The following CHL1 variants were observed in gnomAD, a reference collection of about 807,000 sequenced individuals.
The protein encoded by CHL1 is cell adhesion molecule L1 like, also known as neural cell adhesion molecule L1-like protein.
Under a neutral mutation model 141.9 loss-of-function variants are expected in CHL1, and 96 were observed. The observed-to-expected ratio is 0.68, with a 90% CI of 0.57 to 0.80. The LOEUF (loss-of-function observed/expected upper bound fraction) is 0.80, where lower values mean the gene tolerates loss of function less well. CHL1 is among the 30% of genes least tolerant of loss of function. The pLI is 0.00. For missense variants in CHL1, 1,820 were observed against 1,457.2 expected (o/e 1.25, Z -4.05); for synonymous variants, 613 against 502.2 (o/e 1.22, Z -2.95).
intron 3 of CHL1, among the ~76,000 whole-genome samples, chr3:321,879 T>C (rs1260244968): frequency 6.6e-6 from 1 of 152,074 alleles, no homozygotes; most frequent in Non-Finnish European, 1.5e-5. Context: ...GGCTTAATTA[T>C]AGAGGAAAGG....
intron 1 of CHL1, among the ~76,000 whole-genome samples, chr3:209,737 G>T (rs371378609): frequency 1.3e-5 from 2 of 152,148 alleles, no homozygotes; most frequent in South Asian, 2.1e-4. Flanking sequence ...GACAGGCCCC[G>T]TGTGTGATGT....
chr3:305,179 G>C (rs991712806), intron 2 of CHL1, among the ~76,000 whole-genome samples: 1 of 152,126 alleles, frequency 6.6e-6, no homozygotes, highest in Non-Finnish European at 1.5e-5. Context: ...AATCTCTACA[G>C]TAAGGAAGAA....
chr3:251,521 G>C (rs1324472714), intron 2 of CHL1, among the ~76,000 whole-genome samples: 2 of 152,032 alleles, frequency 1.3e-5, no homozygotes, highest in African/African-American at 4.8e-5. Context: ...TGTGATCTTA[G>C]GCAAACCATT....
intron 2 of CHL1, among the ~76,000 whole-genome samples, chr3:312,285 G>A (rs1474345702): frequency 1.3e-5 from 2 of 152,182 alleles, no homozygotes; most frequent in African/African-American, 4.8e-5. Context: ...CTGCAGGGAT[G>A]ATGAGTTAAC....
chr3:226,196 A>G (rs1701329645), intron 1 of CHL1, among the ~76,000 whole-genome samples: 1 of 149,250 alleles, frequency 6.7e-6, no homozygotes, highest in Admixed American at 6.7e-5. Flanking sequence ...AATTTTTTAT[A>G]TTTTTAGTAG....
rs557844960 is a variant in CHL1 at position 322,676 on chromosome 3, A to T, written c.91+2809A>T. Among the ~76,000 whole-genome samples, 3 of 142,480 alleles carry T rather than the reference A, an allele frequency of 2.1e-5. No homozygotes were observed. In the East Asian group the frequency reaches 6.2e-4, roughly 29 times the overall value. The allele number at this position is 142,480 out of a possible 152,430, so 93.5% of individuals were successfully genotyped here. A position where few individuals can be genotyped will look rare whatever the true frequency, so the allele number is the denominator to read the frequency against. On this transcript the variant is annotated intron_variant, in intron 3 of 27. Transcript: ENST00000256509. ...TATATATATATATATATATAATTAT[A>T]TATATATATATAAAACGAATAGCTG... is the stretch of plus-strand genomic sequence containing the variant.
intron 2 of CHL1, among the ~76,000 whole-genome samples, chr3:296,893 G>A (rs1698235999): frequency 6.6e-6 from 1 of 152,160 alleles, no homozygotes; most frequent in African/African-American, 2.4e-5. Context: ...ACATAGTGAA[G>A]TCAGGGAGAC....
chr3:316,139 T>C (rs1173326190), intron 2 of CHL1, among the ~76,000 whole-genome samples: 1 of 152,072 alleles, frequency 6.6e-6, no homozygotes, highest in East Asian at 1.9e-4. Context: ...TGCTCCTTAC[T>C]GTACATGTGG....
chr3:306,731 A>G (rs180994444), intron 2 of CHL1, among the ~76,000 whole-genome samples: 2 of 151,900 alleles, frequency 1.3e-5, no homozygotes, highest in East Asian at 1.9e-4. Flanking sequence ...ATGAAACAGT[A>G]TAGAGATAAA....
At chr3:202,450 T>C (rs532363140) in intron 1 of CHL1, among the ~76,000 whole-genome samples, 1 of 152,324 alleles carries the variant, frequency 6.6e-6, no homozygotes, top group South Asian at 2.1e-4. Context: ...ATTTAAAAGG[T>C]TTTCGCAATA....
chr3:369,553 T>G (rs1705355561), intron 15 of CHL1, among the ~76,000 whole-genome samples: 1 of 152,350 alleles, frequency 6.6e-6, no homozygotes, highest in South Asian at 2.1e-4. Flanking sequence ...AAACAGACAA[T>G]TTGACTTCCT....
chr3:283,926 A>G (rs927860310), intron 2 of CHL1, among the ~76,000 whole-genome samples: 2 of 152,224 alleles, frequency 1.3e-5, no homozygotes, highest in African/African-American at 4.8e-5. Context: ...AACAATGACT[A>G]ATAGTAGGGA....
At chr3:387,749 C>T (rs996232414) in intron 19 of CHL1, among the ~76,000 whole-genome samples, 5 of 152,184 alleles carry the variant, frequency 3.3e-5, no homozygotes, top group Non-Finnish European at 7.3e-5. Flanking sequence ...ATATCCATTT[C>T]ACACTCTAAA....
At chr3:318,089 T>G (rs1700280987) in intron 2 of CHL1, among the ~76,000 whole-genome samples, 1 of 151,880 alleles carries the variant, frequency 6.6e-6, no homozygotes, top group South Asian at 2.1e-4. Flanking sequence ...ACAACTTTTT[T>G]GGAGGTGGGA....
chr3:312,819 A>G lies in CHL1; in HGVS notation c.-94-6864A>G, dbSNP rs552865127. 8.5e-5 allele frequency among the ~76,000 whole-genome samples: 13 copies of G among 152,342 alleles called. No homozygotes were observed. In the East Asian group the frequency reaches 2.1e-3, roughly 25 times the overall value. On this transcript the variant is annotated intron_variant, in intron 2 of 27. Transcript: ENST00000256509. ...GAAAATTTAAACATTTCCGAGTTAT[A>G]GCACTGTCTCAGACTATTATACAAA...
chr3:349,294 G>T, intron 9 of CHL1, 65 bp from the exon 10 acceptor site: 2 of 1,379,580 alleles, frequency 1.4e-6, no homozygotes, highest in African/African-American at 1.5e-5. Context: ...TGTGTCCTAA[G>T]GTTTTCTTTG....
chr3:225,957 C>T (rs569411582), intron 1 of CHL1, among the ~76,000 whole-genome samples: 33 of 151,350 alleles, frequency 2.2e-4, no homozygotes, highest in African/African-American at 7.8e-4. Flanking sequence ...TGCAGTGAGC[C>T]GAGATAGCAC....
intron 2 of CHL1, among the ~76,000 whole-genome samples, chr3:310,466 T>C (rs1371340549): frequency 6.6e-6 from 1 of 152,178 alleles, no homozygotes; most frequent in African/African-American, 2.4e-5. Flanking sequence ...TAAGAGGATG[T>C]TCTCTTTAAT....
chr3:276,930 G>T (rs974913188), intron 2 of CHL1, among the ~76,000 whole-genome samples: 10 of 149,746 alleles, frequency 6.7e-5, no homozygotes, highest in Non-Finnish European at 1.0e-4. Context: ...TATGGGCTCC[G>T]GGCCAGATTA....
Sources: allele counts gnomAD v4.1 joint callset (sites outside exome capture counted in the v4.1 genomes callset), GRCh38; gene constraint gnomAD v4.1.1; transcripts MANE v1.5; gene names NCBI Gene and HGNC (gene_info 2026-07-23, HGNC 2026-07-21).